The following PHF20 variants were observed in gnomAD, a reference collection of about 807,000 sequenced individuals.
PHF20 encodes the protein PHD finger protein 20, also known as glioma-expressed antigen 2.
PHF20 carries 23 observed loss-of-function variants against 113.5 expected under a neutral mutation model. The observed-to-expected ratio is 0.20, with a 90% CI of 0.15 to 0.29. The LOEUF (loss-of-function observed/expected upper bound fraction) is 0.29. PHF20 is among the 10% of genes least tolerant of loss of function. The pLI, the probability that PHF20 is intolerant of heterozygous loss-of-function variation, is 1.00. For missense variants in PHF20, 943 were observed against 1,219.6 expected, an observed-to-expected ratio of 0.77 and a Z score of 3.38; for synonymous variants, 434 against 457.3, an observed-to-expected ratio of 0.95 and a Z score of 0.65.
intron 13 of PHF20, among the ~76,000 whole-genome samples, chr20:35,922,366 A>G (rs2055534952): frequency 6.6e-6 from 1 of 152,256 alleles, no homozygotes; most frequent in Non-Finnish European, 1.5e-5. Context: ...TTTAAAATGT[A>G]TTCACCATCT....
chr20:35,947,350 GCCCC>G, intron 17 of PHF20, 131 bp from the exon 18 acceptor site: 4 of 781,384 alleles, frequency 5.1e-6, no homozygotes, highest in South Asian at 4.6e-5. Flanking sequence ...TTCCTCCCTT[GCCCC>G]ATGGAGGCTG....
At chr20:35,867,119 C>A (rs1255081597) in intron 6 of PHF20, among the ~76,000 whole-genome samples, 2 of 152,124 alleles carry the variant, frequency 1.3e-5, no homozygotes, top group Non-Finnish European at 2.9e-5. Context: ...TGCCAAGTAT[C>A]CCATATATTG....
intron 1 of PHF20, among the ~76,000 whole-genome samples, chr20:35,773,304 GC>G (rs2041101299): frequency 6.6e-6 from 1 of 152,100 alleles, no homozygotes; most frequent in Non-Finnish European, 1.5e-5. Context: ...ACCCTGTTTA[GC>G]TTTTCTGTCA....
At chr20:35,851,681 C>T (rs1269329137) in intron 4 of PHF20, among the ~76,000 whole-genome samples, 3 of 151,686 alleles carry the variant, frequency 2.0e-5, no homozygotes, top group East Asian at 1.9e-4. Flanking sequence ...TTTGAGGGGC[C>T]GGGGCAGCGG....
intron 9 of PHF20, among the ~76,000 whole-genome samples, chr20:35,887,256 G>A (rs1376613295): frequency 1.3e-5 from 2 of 152,160 alleles, no homozygotes; most frequent in Admixed American, 6.6e-5. Context: ...ATCTATTGCT[G>A]TGTGACAGTA....
At chr20:35,910,639 C>A (rs889498564) in intron 10 of PHF20, among the ~76,000 whole-genome samples, 5 of 151,558 alleles carry the variant, frequency 3.3e-5, no homozygotes, top group African/African-American at 1.2e-4. Flanking sequence ...TCTCTTTTTT[C>A]TTCCCCCCCG....
intron 6 of PHF20, among the ~76,000 whole-genome samples, chr20:35,868,212 G>A (rs2054352409): frequency 6.6e-6 from 1 of 152,090 alleles, no homozygotes; most frequent in African/African-American, 2.4e-5. Context: ...AGAATCACTT[G>A]AACCCGGGAG....
chr20:35,860,563 A>G (rs757314446), intron 5 of PHF20, among the ~76,000 whole-genome samples: 2 of 152,104 alleles, frequency 1.3e-5, no homozygotes, highest in Non-Finnish European at 2.9e-5. Context: ...ATTTTGATAC[A>G]TGATACCTTT....
intron 2 of PHF20, among the ~76,000 whole-genome samples, chr20:35,809,578 C>CAA (rs770576683): frequency 3.0e-5 from 3 of 99,782 alleles, no homozygotes; most frequent in African/African-American, 3.8e-5. Context: ...GACTTTGTCT[C>CAA]AAAAAAAAAA....
chr20:35,880,636 C>T (rs2054611485), intron 9 of PHF20, among the ~76,000 whole-genome samples: 1 of 152,052 alleles, frequency 6.6e-6, no homozygotes, highest in Admixed American at 6.6e-5. Context: ...TAGCAATTTA[C>T]CATATTTACT....
At chr20:35,852,566 C>T (rs1162679608) in intron 4 of PHF20, among the ~76,000 whole-genome samples, 1 of 152,002 alleles carries the variant, frequency 6.6e-6, no homozygotes, top group Non-Finnish European at 1.5e-5. Flanking sequence ...ACATCCCCAC[C>T]CCTCAATCTG....
chr20:35,935,619 G>A (rs139285999), intron 15 of PHF20, among the ~76,000 whole-genome samples: 1 of 152,234 alleles, frequency 6.6e-6, no homozygotes, highest in East Asian at 1.9e-4. Context: ...TGTCTGCCTC[G>A]GCCTCCTAAA....
chr20:35,807,633 G>A (rs1009504212), intron 2 of PHF20, among the ~76,000 whole-genome samples: 1 of 151,946 alleles, frequency 6.6e-6, no homozygotes, highest in Non-Finnish European at 1.5e-5. Context: ...GATAACAGGC[G>A]TGAGCCACTG....
At chr20:35,922,397 A>AT (rs1251136821) in intron 13 of PHF20, among the ~76,000 whole-genome samples, 3 of 152,198 alleles carry the variant, frequency 2.0e-5, no homozygotes, top group South Asian at 2.1e-4. Context: ...ACAGGAATAA[A>AT]TTTTTCTTAA....
Position 35,913,345 on chromosome 20 carries a change from C to T in PHF20, c.1658C>T (p.Pro553Leu). 1 of 1,589,424 alleles carries T rather than the reference C, an allele frequency of 6.3e-7. No individual in the cohort carries two copies. Among genetic ancestry groups the T allele is most frequent in the Non-Finnish European group, 8.6e-7 (1 of 1,167,186 alleles). Residue 553 changes from proline (P) to leucine (L), a missense_variant and splice_region_variant, in exon 11 of 18, where the codon CCT becomes CTT. By Grantham distance (98) the Pro-to-Leu change is moderately conservative (BLOSUM62 -3). Around this residue, in one of 3 missense-constraint regions of PHF20, gnomAD observed 592 missense variants for 787.2 expected, o/e 0.75. Coordinates refer to ENST00000374012, the MANE Select transcript of PHF20 (RefSeq NM_016436.5). ...KKKKKKKKTK[P>L]ECPCSEEISD... ...AAGAAAAAGAAAAAGAAAACCAAAC[C>T]TGGTAATTTTTTTTCCTGAGGGTTT... is the stretch of plus-strand genomic sequence containing the variant.
intron 2 of PHF20, among the ~76,000 whole-genome samples, chr20:35,805,955 C>A (rs1416144271): frequency 6.6e-6 from 1 of 151,854 alleles, no homozygotes; most frequent in African/African-American, 2.4e-5. Flanking sequence ...TCCACCTCCT[C>A]CTGGGTTCAA....
intron 9 of PHF20, among the ~76,000 whole-genome samples, chr20:35,895,238 G>A (rs1240688199): frequency 6.6e-6 from 1 of 152,108 alleles, no homozygotes; most frequent in Non-Finnish European, 1.5e-5. Flanking sequence ...TGGCCAGGCT[G>A]GTCTCAAACT....
Position 35,801,471 on chromosome 20 carries a change from T to C in PHF20, c.-32-20T>C. 7.5e-7 allele frequency: 1 copy of C among 1,328,690 alleles called. No homozygotes were observed. The highest frequency in any genetic ancestry group is 1.1e-6 in the Non-Finnish European group (1 of 927,036). 82.3% of individuals were successfully genotyped at this position (1,328,690 alleles called of 1,614,324 possible). A position where few individuals can be genotyped will look rare whatever the true frequency, so the allele number is the denominator to read the frequency against. ...GTGGACTTTGCCTAAGTTTCATAAA[T>C]ATTTAATTGGCTTTTTCAGGAGAAT... On this transcript the variant is annotated intron_variant, in intron 1 of 17. Coordinates refer to ENST00000374012, the MANE Select transcript of PHF20 (RefSeq NM_016436.5).
chr20:35,933,542 G>A (rs565089684), intron 15 of PHF20, among the ~76,000 whole-genome samples: 4 of 151,892 alleles, frequency 2.6e-5, no homozygotes, highest in Admixed American at 2.0e-4. Context: ...GACTACAGGC[G>A]CCTGCCACCA....
Sources: gnomAD v4.1 joint callset for allele counts (sites outside exome capture counted in the v4.1 genomes callset) on GRCh38, gnomAD v4.1.1 for gene constraint, gnomAD v4.1.1 regional missense constraint, MANE v1.5 for transcripts, NCBI Gene and HGNC (gene_info 2026-07-23, HGNC 2026-07-21) for gene names.